ZNF69: variants seen among roughly 807,000 people sequenced by gnomAD.
ZNF69 encodes ZNF3.
A neutral mutation model predicts 50.9 loss-of-function variants in ZNF69; 47 were observed. That is an observed-to-expected ratio of 0.92 (90% CI 0.73 to 1.18). ZNF69 has a LOEUF of 1.18. Among genes scored for constraint, ZNF69 ranks in the 50% most tolerant of loss-of-function variants. ZNF69 has a pLI of 0.00. For synonymous variants in ZNF69, 216 were observed against 223.1 expected, an observed-to-expected ratio of 0.97 and a Z score of 0.29; for missense variants, 717 against 675.1, an observed-to-expected ratio of 1.06 and a Z score of -0.69.
At chr19:11,956,916 T>C in the ZNF69 span, among the ~76,000 whole-genome samples, 1 of 152,132 alleles carries the variant, frequency 6.6e-6, no homozygotes, top group South Asian at 2.1e-4. Flanking sequence ...TTTCAGCTGC[T>C]CAAATTGACC....
the ZNF69 span, among the ~76,000 whole-genome samples, chr19:11,971,304 A>G: frequency 1.3e-5 from 2 of 152,152 alleles, no homozygotes; most frequent in Non-Finnish European, 1.5e-5. Context: ...GTGTCTTCCT[A>G]TAAGAGCACT....
the ZNF69 span, chr19:11,979,097 A>G: frequency 6.2e-7 from 1 of 1,613,990 alleles, no homozygotes; most frequent in African/African-American, 1.3e-5. Flanking sequence ...CGCTCTGGAG[A>G]AAGACCTTAT....
the ZNF69 span, chr19:11,979,505 C>T: frequency 6.2e-7 from 1 of 1,602,318 alleles, no homozygotes; most frequent in South Asian, 1.1e-5. Flanking sequence ...CACGTCATTT[C>T]AAAGACATGA....
chr19:11,894,792 T>C (rs1166287939), intron 1 of ZNF69, among the ~76,000 whole-genome samples: 2 of 152,202 alleles, frequency 1.3e-5, no homozygotes, highest in Admixed American at 6.5e-5. Context: ...TGGAGACACA[T>C]GGCTGGTCAG....
At chr19:11,907,946 T>C (rs374732076), downstream of ZNF69, among the ~76,000 whole-genome samples, 2 of 152,148 alleles carry the variant, frequency 1.3e-5, no homozygotes, top group South Asian at 2.1e-4. Context: ...TGCAGAGACA[T>C]ACATAGGCTC....
chr19:11,939,547 A>G, the ZNF69 span, among the ~76,000 whole-genome samples: 20 of 152,202 alleles, frequency 1.3e-4, no homozygotes, highest in South Asian at 4.2e-4. Context: ...TATGTGTGGT[A>G]TTATTTCTGA....
chr19:11,963,700 G>A, the ZNF69 span, among the ~76,000 whole-genome samples: 1 of 152,036 alleles, frequency 6.6e-6, no homozygotes, highest in Non-Finnish European at 1.5e-5. Context: ...CATGGAAACC[G>A]CCCGACTCTC....
At chr19:11,945,084 C>T in the ZNF69 span, among the ~76,000 whole-genome samples, 1 of 152,250 alleles carries the variant, frequency 6.6e-6, no homozygotes, top group African/African-American at 2.4e-5. Flanking sequence ...AGAACTCCAA[C>T]TGCCTTTTTT....
At chr19:11,912,042 T>C (rs772074270) in intron 4 of ZNF69, among the ~76,000 whole-genome samples, 2 of 152,084 alleles carry the variant, frequency 1.3e-5, no homozygotes, top group African/African-American at 2.4e-5. Flanking sequence ...GTGTAAGCAA[T>C]GTGGAAAAGC....
downstream of ZNF69, among the ~76,000 whole-genome samples, chr19:11,909,459 G>C (rs1972426051): frequency 6.6e-6 from 1 of 152,158 alleles, no homozygotes; most frequent in Admixed American, 6.6e-5. Context: ...ACATCAAAAA[G>C]CTTATCCACC....
At chr19:11,944,370 A>G in the ZNF69 span, among the ~76,000 whole-genome samples, 1 of 152,108 alleles carries the variant, frequency 6.6e-6, no homozygotes, top group Non-Finnish European at 1.5e-5. Context: ...GTTTCTTGAC[A>G]CACTTTCCCT....
the ZNF69 span, among the ~76,000 whole-genome samples, chr19:11,961,310 T>C: frequency 1.3e-5 from 2 of 152,174 alleles, no homozygotes; most frequent in Non-Finnish European, 2.9e-5. Flanking sequence ...GAAGATAGCC[T>C]TCACTAGGAA....
chr19:11,911,105 A>C (rs1972451386), downstream of ZNF69, among the ~76,000 whole-genome samples: 1 of 152,190 alleles, frequency 6.6e-6, no homozygotes, highest in South Asian at 2.1e-4. Context: ...GAGAAATGCA[A>C]ATCAAAACCA....
chr19:11,978,856 C>T, the ZNF69 span: 2 of 1,614,012 alleles, frequency 1.2e-6, no homozygotes, highest in Admixed American at 3.3e-5. Flanking sequence ...GGGGAGAAGC[C>T]CTGTGAATGT....
At chr19:11,942,030 G>T in the ZNF69 span, among the ~76,000 whole-genome samples, 2 of 152,162 alleles carry the variant, frequency 1.3e-5, no homozygotes, top group South Asian at 4.1e-4. Context: ...TGCACTTAGG[G>T]TGCCAGGTTT....
chr19:11,947,122 C>G, the ZNF69 span: 46 of 1,588,838 alleles, frequency 2.9e-5, no homozygotes, highest in South Asian at 5.3e-4. Context: ...GGAATAGAGT[C>G]TAGGCCTCCA....
the ZNF69 span, among the ~76,000 whole-genome samples, chr19:11,938,322 T>C: frequency 2.6e-3 from 400 of 152,288 alleles, 2 homozygotes; most frequent in African/African-American, 9.3e-3. Flanking sequence ...GACATGTTGG[T>C]GTGCTGCACC....
chr19:11,965,261 A>G, the ZNF69 span: 1 of 1,611,912 alleles, frequency 6.2e-7, no homozygotes, highest in Non-Finnish European at 8.5e-7. Flanking sequence ...GCTGCCTGGA[A>G]CCGGCCGGAA....
At chr19:11,974,123 TTC>T in the ZNF69 span, among the ~76,000 whole-genome samples, 1 of 64,684 alleles carries the variant, frequency 1.5e-5, no homozygotes, top group South Asian at 4.7e-4. Context: ...CTTTCTTTCT[TTC>T]TTTTCTTTCT....
Sources: gnomAD v4.1 joint callset for allele counts (sites outside exome capture counted in the v4.1 genomes callset) on GRCh38, gnomAD v4.1.1 for gene constraint, MANE v1.5 for transcripts, NCBI Gene and HGNC (gene_info 2026-07-23, HGNC 2026-07-21) for gene names.